Variants in GLP2R observed in about 807,000 individuals in gnomAD.
The protein encoded by GLP2R is glucagon-like peptide 2 receptor.
A neutral mutation model predicts 68.2 loss-of-function variants in GLP2R; 59 were observed. The ratio of observed to expected loss-of-function variants is 0.87; its 90% CI spans 0.70 to 1.07. The LOEUF is 1.07. Among genes scored for constraint, GLP2R ranks in the 50% least tolerant of loss-of-function variants. The pLI is 0.00. For missense variants in GLP2R, 548 were observed against 677.4 expected (o/e 0.81, Z 2.12); for synonymous variants, 270 against 265.4 (o/e 1.02, Z -0.17).
chr17:9,868,268 G>T (rs2067058891), intron 9 of GLP2R, among the ~76,000 whole-genome samples: 1 of 151,918 alleles, frequency 6.6e-6, no homozygotes, highest in South Asian at 2.1e-4. Flanking sequence ...TAGCATTTTA[G>T]TCCACACAGC....
intron 3 of GLP2R, among the ~76,000 whole-genome samples, chr17:9,841,442 T>A (rs1346068707): frequency 3.3e-5 from 5 of 151,830 alleles, no homozygotes; most frequent in African/African-American, 1.2e-4. Context: ...TTCCACAGGA[T>A]GGAAGCAGGA....
chr17:9,887,964 C>T lies in GLP2R; in HGVS notation c.1317C>T (p.Ala439=). Residue 439 remains alanine, a synonymous_variant, in exon 12 of 13, where the codon GCC becomes GCT. Transcript: ENST00000262441. ...TGGTGGCCTTGCAGTATGGTTTTGCCAATGGAGAGGTATGATTTCCACGTT... is the reference window on the plus strand; with the variant it reads ...TGGTGGCCTTGCAGTATGGTTTTGCTAATGGAGAGGTATGATTTCCACGTT... The part of the protein sequence containing the change: ...GFLVALQYGF[A]NGEVKAELRK... The T allele has an allele frequency of 6.2e-7, 1 of 1,610,772 alleles. No homozygotes were observed. The highest frequency in any genetic ancestry group is 8.5e-7 in the Non-Finnish European group (1 of 1,176,972).
At chr17:9,882,140 TTTG>T (rs2067202786) in intron 11 of GLP2R, among the ~76,000 whole-genome samples, 1 of 152,196 alleles carries the variant, frequency 6.6e-6, no homozygotes, top group African/African-American at 2.4e-5. Flanking sequence ...TGGGACTGCT[TTTG>T]TTCTCTAATC....
chr17:9,879,112 T>C (rs2067166885), intron 10 of GLP2R, among the ~76,000 whole-genome samples: 1 of 151,376 alleles, frequency 6.6e-6, no homozygotes. Context: ...CCATGAGGAG[T>C]TCCTTAAAAA....
chr17:9,884,615 C>T (rs1417027870), intron 11 of GLP2R, among the ~76,000 whole-genome samples: 4 of 152,112 alleles, frequency 2.6e-5, no homozygotes, highest in Non-Finnish European at 4.4e-5. Context: ...AAAATGTGTC[C>T]GCCCACTGCA....
In GLP2R at chr17:9,860,115, C is replaced by A; in HGVS notation, c.925+14C>A. The A allele has an allele frequency of 6.4e-7, 1 of 1,564,774 alleles. No individual in the cohort carries two copies. Reference sequence around the variant, plus strand: ...TGTTGGGTTGGGGTGAGTGACCTGACCTTCAGCTTCCTTTCCTGGGGATCC... The same window carrying A: ...TGTTGGGTTGGGGTGAGTGACCTGAACTTCAGCTTCCTTTCCTGGGGATCC... On this transcript the variant is annotated intron_variant, in intron 7 of 12. Transcript: ENST00000262441.
At chr17:9,852,059 TG>T (rs143910126) in intron 4 of GLP2R, among the ~76,000 whole-genome samples, 58,151 of 145,364 alleles carry the variant, frequency 0.4, 12,709 homozygotes, top group African/African-American at 0.61. Context: ...TTTTTTTTTT[TG>T]TTTTTTTTTT....
chr17:9,847,490 G>T (rs908607415), intron 4 of GLP2R, among the ~76,000 whole-genome samples: 5 of 152,006 alleles, frequency 3.3e-5, no homozygotes, highest in Non-Finnish European at 7.4e-5. Context: ...GGCTGGTCTC[G>T]AATGCCTGAC....
chr17:9,857,357 G>C (rs1363460507), intron 5 of GLP2R, 66 bp from the exon 6 acceptor site: 23 of 1,447,726 alleles, frequency 1.6e-5, no homozygotes, highest in Middle Eastern at 1.8e-4. Flanking sequence ...AGGCATAAAA[G>C]GCAGAGGCCT....
intron 10 of GLP2R, among the ~76,000 whole-genome samples, chr17:9,873,555 A>ATTTTTTT (rs1359984269): frequency 1.0e-4 from 3 of 30,012 alleles, no homozygotes; most frequent in African/African-American, 6.8e-4. Flanking sequence ...CTATGCATGG[A>ATTTTTTT]CTTTTTTTTT....
At chr17:9,832,867 A>T (rs1025385575) in intron 1 of GLP2R, among the ~76,000 whole-genome samples, 1 of 152,242 alleles carries the variant, frequency 6.6e-6, no homozygotes. Context: ...GGCATGAAAT[A>T]GTCAACGTTA....
intron 6 of GLP2R, among the ~76,000 whole-genome samples, chr17:9,859,493 C>T (rs1312279382): frequency 1.3e-5 from 2 of 151,750 alleles, no homozygotes; most frequent in Non-Finnish European, 2.9e-5. Flanking sequence ...TGGGAGAGAA[C>T]AGAGTAAAGA....
rs575946587 is a variant in GLP2R, at chr17:9,843,278, T to C, written c.504+662T>C. ...CCTTATCCTTGGGATTTTCCACAGCTCTGTGGCATGCTCAGAGGAACAGTC... is the reference window on the plus strand; with the variant it reads ...CCTTATCCTTGGGATTTTCCACAGCCCTGTGGCATGCTCAGAGGAACAGTC... On this transcript the variant is annotated intron_variant, in intron 4 of 12. Transcript: ENST00000262441. 5.3e-5 allele frequency among the ~76,000 whole-genome samples: 8 copies of C among 152,276 alleles called. No individual in the cohort carries two copies. The South Asian group carries it at 1.7e-3, about 32-fold the overall frequency.
chr17:9,844,279 A>G (rs1323628400), intron 4 of GLP2R, among the ~76,000 whole-genome samples: 2 of 152,314 alleles, frequency 1.3e-5, no homozygotes, highest in South Asian at 2.1e-4. Flanking sequence ...GGAGAGGGAC[A>G]TAACTAACTT....
intron 10 of GLP2R, among the ~76,000 whole-genome samples, chr17:9,876,667 A>G (rs1318053230): frequency 2.6e-5 from 4 of 152,232 alleles, no homozygotes; most frequent in African/African-American, 9.6e-5. Context: ...GCGGGAGGTT[A>G]GAGAGACCTT....
intron 2 of GLP2R, chr17:9,834,527 G>A (rs2066709383): frequency 6.5e-6 from 1 of 153,570 alleles, no homozygotes; most frequent in Admixed American, 6.4e-5. Context: ...ATATGTAATT[G>A]TTGTCTGCAG....
At chr17:9,847,015 A>G (rs1458337094) in intron 4 of GLP2R, among the ~76,000 whole-genome samples, 1 of 152,212 alleles carries the variant, frequency 6.6e-6, no homozygotes, top group Non-Finnish European at 1.5e-5. Flanking sequence ...AAAGGCTAGG[A>G]TTTGTTAACA....
At position 9,857,643 on chromosome 17, in the gene GLP2R, G is replaced by T; in HGVS notation, c.765+67G>T. 2 of 1,506,362 alleles carry T rather than the reference G, an allele frequency of 1.3e-6. 1 individual carries two copies. The allele number at this position is 1,506,362 out of a possible 1,614,324, so 93.3% of individuals were successfully genotyped here. A position where few individuals can be genotyped will look rare whatever the true frequency, so the allele number is the denominator to read the frequency against. On this transcript the variant is annotated intron_variant, in intron 6 of 12. Coordinates refer to ENST00000262441, the MANE Select transcript of GLP2R (RefSeq NM_004246.3). ...ATGGGTCAGTACTGGGAATCAGAAG[G>T]CAGGCAGGTGGGACTAGGGAGGGGC...
intron 12 of GLP2R, among the ~76,000 whole-genome samples, chr17:9,888,935 A>C (rs2067266355): frequency 6.6e-6 from 1 of 152,124 alleles, no homozygotes; most frequent in Non-Finnish European, 1.5e-5. Flanking sequence ...GCCCTACTAC[A>C]AGTGTAAATA....
Sources: allele counts gnomAD v4.1 joint callset (sites outside exome capture counted in the v4.1 genomes callset), GRCh38; gene constraint gnomAD v4.1.1; transcripts MANE v1.5; gene names NCBI Gene and HGNC (gene_info 2026-07-23, HGNC 2026-07-21).